Variants in MSR1 observed in about 807,000 individuals in gnomAD.
MSR1 encodes the protein macrophage scavenger receptor types I and II.
In MSR1, 53 loss-of-function variants were observed where a neutral mutation model predicts 47.2. The ratio of observed to expected loss-of-function variants is 1.12; its 90% CI spans 0.90 to 1.41. The LOEUF (loss-of-function observed/expected upper bound fraction) is 1.41. MSR1 is among the 40% of genes most tolerant of loss of function. MSR1 has a pLI of 0.00. For synonymous variants in MSR1, 239 were observed against 185.6 expected, an observed-to-expected ratio of 1.29 and a Z score of -2.34; for missense variants, 786 against 546.9, an observed-to-expected ratio of 1.44 and a Z score of -4.36.
intron 4 of MSR1, among the ~76,000 whole-genome samples, chr8:16,168,147 G>T (rs190229621): frequency 6.6e-6 from 1 of 152,224 alleles, no homozygotes; most frequent in Admixed American, 6.5e-5. Context: ...CTCAAGATCT[G>T]CTAAGATAAC....
chr8:16,124,183 C>G (rs1297584196), intron 8 of MSR1, among the ~76,000 whole-genome samples: 3 of 152,058 alleles, frequency 2.0e-5, no homozygotes, highest in Non-Finnish European at 4.4e-5. Flanking sequence ...ACAAACAGGC[C>G]GAGTCACTTG....
rs750162785 is a variant in MSR1 at position 16,164,195 on chromosome 8, C to T, written c.687G>A (p.Met229Ile). The T allele has an allele frequency of 3.1e-5, 50 of 1,612,242 alleles. 1 individual carries two copies. The highest frequency in any genetic ancestry group is 4.0e-5 in the Non-Finnish European group (47 of 1,179,046). Residue 229 changes from methionine (M) to isoleucine (I), a missense_variant, in exon 5 of 10, where the codon ATG becomes ATA. Transcript: ENST00000262101. ...GTTCCAAATGCACTTGTTCTTCTTT[C>T]ATAGCCATAATTTCTGCTGATACAT... ...VYNVSAEIMA[M>I]KEEQVHLEQE...
At chr8:16,157,473 T>C (rs566227796) in intron 5 of MSR1, among the ~76,000 whole-genome samples, 12 of 152,070 alleles carry the variant, frequency 7.9e-5, no homozygotes, top group African/African-American at 2.6e-4. Context: ...AGATTTTTGT[T>C]AGAGTTCTAA....
chr8:16,140,306 C>T, intron 8 of MSR1: 1 of 984,896 alleles, frequency 1.0e-6, no homozygotes, highest in Non-Finnish European at 1.2e-6. Flanking sequence ...AAAAAAAGCC[C>T]TTGACTCAGT....
intron 7 of MSR1, among the ~76,000 whole-genome samples, chr8:16,149,413 G>A (rs1210281942): frequency 3.3e-5 from 5 of 151,404 alleles, no homozygotes; most frequent in Non-Finnish European, 7.4e-5. Flanking sequence ...TATTTTTTTA[G>A]AGACAGGGCC....
rs35812149 is a variant in MSR1, at chr8:16,166,452, C to T, written c.630+2006G>A. Reference sequence around the variant, plus strand: ...CTGGGATTACAGGTGTGAGGCACTGCGCCTGGCAGCTGAGGCTGCCTTATT... The same window carrying T: ...CTGGGATTACAGGTGTGAGGCACTGTGCCTGGCAGCTGAGGCTGCCTTATT... On this transcript the variant is annotated intron_variant, in intron 4 of 9. Transcript: ENST00000262101. Among the ~76,000 whole-genome samples the T allele has an allele frequency of 3.3e-5, 5 of 151,990 alleles. No individual in the cohort carries two copies. The East Asian group carries it at 5.8e-4, about 18-fold the overall frequency.
chr8:16,179,826 G>A (rs745981137), intron 1 of MSR1, among the ~76,000 whole-genome samples: 13 of 130,370 alleles, frequency 1.0e-4, no homozygotes, highest in Non-Finnish European at 4.6e-5. Context: ...GCAGTGAGCC[G>A]ACATTGCACC....
chr8:16,142,924 A>G (rs1800598824), intron 8 of MSR1, among the ~76,000 whole-genome samples: 1 of 152,158 alleles, frequency 6.6e-6, no homozygotes, highest in African/African-American at 2.4e-5. Context: ...GTATACATTC[A>G]GCCTAGACAC....
intron 6 of MSR1, among the ~76,000 whole-genome samples, chr8:16,153,005 T>G (rs547870897): frequency 6.6e-6 from 1 of 152,186 alleles, no homozygotes; most frequent in South Asian, 2.1e-4. Context: ...TAAAGCATAT[T>G]TAAACATAAT....
chr8:16,157,155 T>C (rs1354503781), intron 5 of MSR1, among the ~76,000 whole-genome samples: 3 of 151,934 alleles, frequency 2.0e-5, no homozygotes, highest in Non-Finnish European at 4.4e-5. Context: ...CAGGAAAAAC[T>C]AGAACATGAA....
chr8:16,174,490 C>G (rs1801582966), intron 3 of MSR1, among the ~76,000 whole-genome samples: 1 of 152,138 alleles, frequency 6.6e-6, no homozygotes, highest in Non-Finnish European at 1.5e-5. Flanking sequence ...CTTGTAGAAA[C>G]AGTCAAATCT....
Position 16,108,189 on chromosome 8 carries a change from G to A in MSR1, c.*1896C>T, listed in dbSNP as rs1799678176. The A allele has an allele frequency of 7.0e-6, 1 of 143,564 alleles. No individual in the cohort carries two copies. The highest frequency in any genetic ancestry group is 1.5e-5 in the Non-Finnish European group (1 of 64,994). 8.9% of individuals were successfully genotyped at this position (143,564 alleles called of 1,614,324 possible). On this transcript the variant is annotated 3_prime_UTR_variant, in exon 10 of 10. Coordinates refer to ENST00000262101, the MANE Select transcript of MSR1 (RefSeq NM_138715.3). ...TGTCATAGTACTAGTACTAGTAATA[G>A]TACTAGTAATAGCAATAGTACTAGT...
chr8:16,140,890 T>C, intron 8 of MSR1: 1 of 1,608,004 alleles, frequency 6.2e-7, no homozygotes. Context: ...CAAAGTCATT[T>C]GGAGGAGTCA....
intron 6 of MSR1, among the ~76,000 whole-genome samples, chr8:16,153,208 T>C (rs1476633710): frequency 6.6e-6 from 1 of 152,020 alleles, no homozygotes; most frequent in Non-Finnish European, 1.5e-5. Flanking sequence ...CTGCTCAGAT[T>C]AGAAAGCAGA....
intron 9 of MSR1, among the ~76,000 whole-genome samples, chr8:16,120,016 T>G (rs1585135286): frequency 6.6e-6 from 1 of 151,926 alleles, no homozygotes; most frequent in Non-Finnish European, 1.5e-5. Context: ...GTACCAAGCC[T>G]AGACTATGTT....
At chr8:16,110,694 C>T (rs1176902068) in intron 9 of MSR1, among the ~76,000 whole-genome samples, 3 of 152,002 alleles carry the variant, frequency 2.0e-5, no homozygotes, top group African/African-American at 7.2e-5. Flanking sequence ...TGTTATCTTC[C>T]CGTGTATTTC....
chr8:16,176,017 A>G (rs1413355810), intron 2 of MSR1, among the ~76,000 whole-genome samples: 1 of 152,204 alleles, frequency 6.6e-6, no homozygotes, highest in African/African-American at 2.4e-5. Flanking sequence ...TAAAGGGGAA[A>G]CAGTAGATGA....
intron 1 of MSR1, among the ~76,000 whole-genome samples, chr8:16,189,210 T>C (rs1006764137): frequency 7.1e-6 from 1 of 140,326 alleles, no homozygotes; most frequent in African/African-American, 2.6e-5. Flanking sequence ...ATTTTATATA[T>C]ATTTCATATA....
intron 8 of MSR1, chr8:16,140,045 T>A: frequency 1.2e-6 from 1 of 840,340 alleles, no homozygotes; most frequent in Non-Finnish European, 1.4e-6. Flanking sequence ...TTATTAGCTG[T>A]TATGTCCAGC....
Sources: gnomAD v4.1 joint callset for allele counts (sites outside exome capture counted in the v4.1 genomes callset) on GRCh38, gnomAD v4.1.1 for gene constraint, MANE v1.5 for transcripts, NCBI Gene and HGNC (gene_info 2026-07-23, HGNC 2026-07-21) for gene names.